Variants in SAMD3 observed in about 807,000 individuals in gnomAD.
SAMD3 encodes the protein sterile alpha motif domain containing 3.
A neutral mutation model predicts 58.5 loss-of-function variants in SAMD3; 63 were observed. That is an observed-to-expected ratio of 1.08 (90% CI 0.88 to 1.33). SAMD3 has a LOEUF of 1.33. Ranked by LOEUF, SAMD3 falls within the 40% of genes most tolerant of loss-of-function variation. The probability of loss-of-function intolerance (pLI) is 0.00; values close to 1 mark genes in which losing one functional copy is unlikely to be tolerated. For synonymous variants in SAMD3, 220 were observed against 210.3 expected (o/e 1.05, Z -0.40); for missense variants, 604 against 608.4 (o/e 0.99, Z 0.08).
At position 130,195,915 on chromosome 6, in the gene SAMD3, T is replaced by C. The variant is rs113495214; in HGVS notation, c.384-11292A>G. Among the ~76,000 whole-genome samples the C allele has an allele frequency of 8.7e-3, 1,326 of 152,314 alleles. 22 individuals are homozygous for C. The highest frequency in any genetic ancestry group is 0.03 in the African/African-American group (1,260 of 41,554). On this transcript the variant is annotated intron_variant, in intron 5 of 11. Transcript: ENST00000439090. ...TTTTGCCATCCTAACAAAACCATTA[T>C]ATAAACTCACAAAAAGAAACCTAGC...
rs758222319 is a variant in SAMD3, at chr6:130,184,534, C to G, written c.473G>C (p.Cys158Ser). The G allele has an allele frequency of 1.1e-5, 18 of 1,613,992 alleles. No homozygotes were observed. The East Asian group carries it at 3.8e-4, about 34-fold the overall frequency. The change falls in exon 6 of 12, where the codon TGC becomes TCC. Residue 158 changes from cysteine to serine, a missense_variant. Coordinates refer to ENST00000439090, the MANE Select transcript of SAMD3 (RefSeq NM_001017373.4). Reference sequence around the variant, plus strand: ...CGGGCACTTCTGCTCTGCTAACATGCATTTGACATCATAGGGAAACTCTGG... The same window carrying G: ...CGGGCACTTCTGCTCTGCTAACATGGATTTGACATCATAGGGAAACTCTGG... ...VLPEFPYDVKCMLAEQKCPDH... is the reference protein window; with the variant it reads ...VLPEFPYDVKSMLAEQKCPDH...
At position 130,175,899 on chromosome 6, in the gene SAMD3, T is replaced by A. The variant is rs760449883; in HGVS notation, c.764A>T (p.Gln255Leu). ...TATATCAGCAAGAGATTTCCTTGTC[T>A]GGCCTCTTCGGTGTCCAAATTTACA... ...NKCKFGHRRG[Q>L]TRKSLADIRF... Residue 255 changes from glutamine (Q) to leucine (L), a missense_variant, in exon 8 of 12, where the codon CAG (glutamine) becomes CTG (leucine). Gln to Leu is a moderately radical substitution (Grantham distance 113). Coordinates refer to ENST00000439090, the MANE Select transcript of SAMD3 (RefSeq NM_001017373.4). The A allele has an allele frequency of 1.2e-6, 2 of 1,613,458 alleles. No individual in the cohort carries two copies. The highest frequency in any genetic ancestry group is 1.7e-6 in the Non-Finnish European group (2 of 1,179,472).
chr6:130,216,257 G>T (rs912746671), intron 2 of SAMD3, among the ~76,000 whole-genome samples: 1 of 151,532 alleles, frequency 6.6e-6, no homozygotes, highest in Non-Finnish European at 1.5e-5. Context: ...GGGTGGGGTG[G>T]AGGGGGGGAT....
chr6:130,163,302 C>T (rs1790428067), intron 8 of SAMD3, among the ~76,000 whole-genome samples: 1 of 152,188 alleles, frequency 6.6e-6, no homozygotes, highest in Admixed American at 6.5e-5. Flanking sequence ...TTAAAAACTA[C>T]ATATGCAGCA....
At chr6:130,183,220 AC>A (rs1224977792) in intron 7 of SAMD3, 1 of 382,736 alleles carries the variant, frequency 2.6e-6, no homozygotes, top group Non-Finnish European at 5.0e-6. Flanking sequence ...CTAATGTGCA[AC>A]CAGAGCTTAG....
intron 2 of SAMD3, among the ~76,000 whole-genome samples, chr6:130,264,045 C>G (rs945610990): frequency 1.3e-5 from 2 of 152,188 alleles, no homozygotes; most frequent in Non-Finnish European, 2.9e-5. Flanking sequence ...ATGCAAATGC[C>G]TGGTTAAAAT....
rs966940203 is a variant in SAMD3, at chr6:130,279,732, G to T, written c.-188+33246C>A. Reference sequence around the variant, plus strand: ...ACTCCTGACCTCAGGTGACCCACCCGCCTCGGCCTCCCAAAGTGATGGGAT... The same window carrying T: ...ACTCCTGACCTCAGGTGACCCACCCTCCTCGGCCTCCCAAAGTGATGGGAT... On this transcript the variant is annotated intron_variant, in intron 2 of 13. Coordinates refer to the SAMD3 transcript ENST00000368134. 3.9e-5 allele frequency among the ~76,000 whole-genome samples: 6 copies of T among 151,990 alleles called. No homozygotes were observed. The East Asian group carries it at 9.7e-4, about 24-fold the overall frequency.
chr6:130,180,111 G>A (rs546124546), intron 7 of SAMD3, among the ~76,000 whole-genome samples: 10 of 150,952 alleles, frequency 6.6e-5, no homozygotes, highest in South Asian at 6.3e-4. Flanking sequence ...CACCGTACAC[G>A]ACCTTTTTTT....
chr6:130,249,943 T>C lies in SAMD3; in HGVS notation c.-187-27130A>G, dbSNP rs146309226. ...TGAGGAAGTCCAGATACAAGCTTTA[T>C]GGTAACAACCTAAAGGAGGGCTCCC... is the stretch of plus-strand genomic sequence containing the variant. On this transcript the variant is annotated intron_variant, in intron 2 of 13. Coordinates refer to the SAMD3 transcript ENST00000368134. Among the ~76,000 whole-genome samples the C allele has an allele frequency of 6.0e-3, 914 of 152,292 alleles. 11 individuals are homozygous for C. Among genetic ancestry groups the C allele is most frequent in the African/African-American group, 0.021 (868 of 41,558 alleles).
In SAMD3 at chr6:130,146,068, T is replaced by C. The variant is rs1056723323; in HGVS notation, c.1137A>G (p.Pro379=). 6.3e-7 allele frequency: 1 copy of C among 1,596,204 alleles called. No individual in the cohort carries two copies. Among genetic ancestry groups the C allele is most frequent in the African/African-American group, 1.3e-5 (1 of 74,132 alleles). Residue 379 remains proline (P), a synonymous_variant, in exon 10 of 12, where the codon CCA becomes CCG. Transcript: ENST00000439090. ...TTTTTTCTTGCAATACAATATTGATTGGATTGTCCACCACTGAAAAAGAAG... is the reference window on the plus strand; with the variant it reads ...TTTTTTCTTGCAATACAATATTGATCGGATTGTCCACCACTGAAAAAGAAG... ...ILTSFSVVDN[P]INIVLQEKMK... is the part of the protein sequence containing the mutation.
intron 2 of SAMD3, among the ~76,000 whole-genome samples, chr6:130,244,053 AG>A (rs1360173033): frequency 6.6e-6 from 1 of 152,242 alleles, no homozygotes; most frequent in Non-Finnish European, 1.5e-5. Flanking sequence ...AAAAGAAGAT[AG>A]ATTTCAAATA....
At chr6:130,260,976 TG>T (rs1484169989) in intron 2 of SAMD3, among the ~76,000 whole-genome samples, 1 of 152,224 alleles carries the variant, frequency 6.6e-6, no homozygotes, top group East Asian at 1.9e-4. Flanking sequence ...GTTTTGGTTT[TG>T]GTTTTGACTC....
intron 9 of SAMD3, among the ~76,000 whole-genome samples, chr6:130,152,361 C>T (rs945769969): frequency 5.5e-4 from 84 of 152,170 alleles, no homozygotes; most frequent in African/African-American, 1.9e-3. Flanking sequence ...CTGGAAAAAC[C>T]GAAAATGATT....
At chr6:130,187,177 G>A (rs1793076653) in intron 5 of SAMD3, among the ~76,000 whole-genome samples, 1 of 152,130 alleles carries the variant, frequency 6.6e-6, no homozygotes, top group South Asian at 2.1e-4. Context: ...AGCTAAATTA[G>A]CTGCCTGCCG....
intron 1 of SAMD3, among the ~76,000 whole-genome samples, chr6:130,355,942 T>C (rs1423860683): frequency 6.6e-6 from 1 of 152,254 alleles, no homozygotes; most frequent in African/African-American, 2.4e-5. Context: ...TTTTCCATTC[T>C]GAGACACTTT....
chr6:130,196,116 GC>G (rs1794086922), intron 5 of SAMD3, among the ~76,000 whole-genome samples: 1 of 152,106 alleles, frequency 6.6e-6, no homozygotes, highest in Admixed American at 6.5e-5. Flanking sequence ...GCGTCCTGTA[GC>G]CTTTTTGTCC....
intron 1 of SAMD3, among the ~76,000 whole-genome samples, chr6:130,324,830 A>C (rs1776702600): frequency 6.6e-6 from 1 of 151,838 alleles, no homozygotes; most frequent in Admixed American, 6.6e-5. Context: ...GCCCAGATGC[A>C]ATCGCCTACT....
intron 2 of SAMD3, among the ~76,000 whole-genome samples, chr6:130,236,437 G>T (rs1773150725): frequency 6.6e-6 from 1 of 150,662 alleles, no homozygotes; most frequent in Admixed American, 6.6e-5. Flanking sequence ...AGGCTGGAGT[G>T]CAATGGCGTG....
chr6:130,288,152 A>G lies in SAMD3; in HGVS notation c.-188+24826T>C, dbSNP rs144036553. Among the ~76,000 whole-genome samples, 423 of 152,356 alleles carry G rather than the reference A, an allele frequency of 2.8e-3. 4 individuals are homozygous for G. Among genetic ancestry groups the G allele is most frequent in the African/African-American group, 9.8e-3 (407 of 41,586 alleles). ...ATGAGTCAGAGTACTCTAGATAAAT[A>G]GAACCAGATATATCTATACATCTAT... On this transcript the variant is annotated intron_variant, in intron 2 of 13. Transcript: ENST00000368134.
Sources: gnomAD v4.1 joint callset for allele counts (sites outside exome capture counted in the v4.1 genomes callset) on GRCh38, gnomAD v4.1.1 for gene constraint, MANE v1.5 for transcripts, NCBI Gene and HGNC (gene_info 2026-07-23, HGNC 2026-07-21) for gene names.